Variants in LILRA6 observed in about 807,000 individuals in gnomAD.
LILRA6 encodes leukocyte immunoglobulin-like receptor subfamily A member 6.
LILRA6 carries 16 observed loss-of-function variants against 53.9 expected under a neutral mutation model. The observed-to-expected ratio is 0.30, with a 90% CI of 0.20 to 0.45. The LOEUF (loss-of-function observed/expected upper bound fraction) is 0.45. LILRA6 is among the 20% of genes least tolerant of loss of function. The probability of loss-of-function intolerance (pLI) is 1.00; values close to 1 mark genes in which losing one functional copy is unlikely to be tolerated. For missense variants in LILRA6, 306 were observed against 618.6 expected (o/e 0.49, Z 5.36); for synonymous variants, 135 against 256.4 (o/e 0.53, Z 4.52).
At chr19:54,237,970 A>G (rs1054026174), downstream of LILRA6, 2 of 146,406 alleles carry the variant, frequency 1.4e-5, no homozygotes, top group Non-Finnish European at 3.0e-5. Context: ...ATATGAACAC[A>G]TTTTCCTCTA....
At chr19:54,237,526 A>G (rs187021914), downstream of LILRA6, 1 of 151,142 alleles carries the variant, frequency 6.6e-6, no homozygotes, top group East Asian at 1.9e-4. Flanking sequence ...AATAACTCGA[A>G]GTGGATTGAG....
downstream of LILRA6, chr19:54,236,698 C>T (rs1025198675): frequency 6.6e-6 from 1 of 151,022 alleles, no homozygotes; most frequent in African/African-American, 2.5e-5. Flanking sequence ...GGTCTATATA[C>T]ACAATGAAAT....
rs2078686956 is a variant in LILRA6, at chr19:54,239,382, C to A, written c.1310-293G>T. 4 of 763,622 alleles carry A rather than the reference C, an allele frequency of 5.2e-6. No individual in the cohort carries two copies. In the East Asian group the frequency reaches 1.3e-4, roughly 24 times the overall value. The allele number at this position is 763,622 out of a possible 1,614,324, so 47.3% of individuals were successfully genotyped here. A position where few individuals can be genotyped will look rare whatever the true frequency, so the allele number is the denominator to read the frequency against. ...GAGTTCCTCAATAAACCCTCCCTCT[C>A]CTGCAGCAGGGCTCCCTCCAGTCTC... On this transcript the variant is annotated intron_variant, in intron 7 of 7. Transcript: ENST00000396365.
chr19:54,239,222 G>T (rs1469118671), intron 7 of LILRA6, 133 bp from the exon 8 acceptor site: 4 of 1,550,124 alleles, frequency 2.6e-6, no homozygotes, highest in East Asian at 2.3e-5. Flanking sequence ...CCCCATAACT[G>T]TCTGACTTGT....
In LILRA6 at chr19:54,240,433, G is replaced by A. The variant is rs556406505; in HGVS notation, c.1099C>T (p.Arg367Cys). The A allele has an allele frequency of 9.9e-5, 159 of 1,605,110 alleles. 1 individual carries two copies. The African/African-American group carries it at 1.7e-3, about 17-fold the overall frequency. ...TGAGCTCCGTACATTGATCTCAGACGCAGTGGGGGATGGGCTGCCCCTTCT... is the reference window on the plus strand; with the variant it reads ...TGAGCTCCGTACATTGATCTCAGACACAGTGGGGGATGGGCTGCCCCTTCT... The change falls in exon 6 of 8, where the codon CGT (arginine) becomes TGT (cysteine). Residue 367 changes from arginine to cysteine, a missense_variant. Physicochemically the swap from Arg to Cys is radical, Grantham distance 180 (BLOSUM62 -3). Coordinates refer to ENST00000396365, the Ensembl canonical transcript of LILRA6.
At chr19:54,236,905 G>A (rs1478346115), downstream of LILRA6, 1 of 151,076 alleles carries the variant, frequency 6.6e-6, no homozygotes, top group Non-Finnish European at 1.5e-5. Flanking sequence ...GAGTGTGGAG[G>A]ACAGGGATGG....
At chr19:54,238,982 T>C in exon 8 of LILRA6, 1 of 1,611,420 alleles carries the variant, frequency 6.2e-7, no homozygotes, top group Non-Finnish European at 8.5e-7. Flanking sequence ...TGGGGGTTTC[T>C]CTGGCTGTGC....
At chr19:54,239,618 C>CA (rs1414453466) in intron 7 of LILRA6, 1 of 1,074,190 alleles carries the variant, frequency 9.3e-7, no homozygotes, top group Non-Finnish European at 1.3e-6. Context: ...TCCAGGGAGT[C>CA]ACTGGCCTGA....
At chr19:54,241,153 G>C in intron 4 of LILRA6, 26 bp from the exon 5 acceptor site, 2 of 1,515,752 alleles carry the variant, frequency 1.3e-6, no homozygotes, top group Non-Finnish European at 1.8e-6. Flanking sequence ...AGCCAGGACT[G>C]AGAGGGCTGG....
chr19:54,241,864 G>C, exon 4 of LILRA6: 1 of 1,295,530 alleles, frequency 7.7e-7, no homozygotes. Context: ...GAGAGGGTGG[G>C]TTTGCTATAG....
exon 5 of LILRA6, chr19:54,240,874 G>T (rs201120762): frequency 1.5e-5 from 25 of 1,613,512 alleles, no homozygotes; most frequent in Non-Finnish European, 2.0e-5. Flanking sequence ...CCGACCACTC[G>T]GAGGAGAGGT....
intron 5 of LILRA6, 46 bp downstream of exon 5, chr19:54,240,785 C>T (rs763059022): frequency 3.2e-5 from 51 of 1,611,350 alleles, no homozygotes; most frequent in Non-Finnish European, 3.9e-5. Flanking sequence ...CCCGGCAGGG[C>T]CTGTGCAGAG....
chr19:54,239,006 A>G (rs375483704), exon 8 of LILRA6: 9 of 1,611,306 alleles, frequency 5.6e-6, no homozygotes, highest in South Asian at 1.1e-5. Context: ...GCCTCAAATA[A>G]CAGAATCCCG....
At chr19:54,239,735 T>C (rs2078697147) in intron 7 of LILRA6, 166 bp downstream of exon 7, 8 of 1,550,308 alleles carry the variant, frequency 5.2e-6, no homozygotes, top group Non-Finnish European at 7.0e-6. Flanking sequence ...TCCTCCTGGC[T>C]GGGCCCCAAC....
At position 54,239,967 on chromosome 19, in the gene LILRA6, G is replaced by A. The variant is rs1275740707; in HGVS notation, c.1259-16C>T. 43 of 1,546,020 alleles carry A rather than the reference G, an allele frequency of 2.8e-5. No individual in the cohort carries two copies. The highest frequency in any genetic ancestry group is 4.2e-5 in the African/African-American group (3 of 72,032). On this transcript the variant is annotated splice_polypyrimidine_tract_variant and intron_variant, in intron 6 of 7. Coordinates refer to ENST00000396365, the Ensembl canonical transcript of LILRA6. The stretch of plus-strand genomic sequence containing the variant: ...CCAGAGTGTCCTGGAAGGAGCACGG[G>A]AGGCGGGTGAGGGGCGGGGGCCGTC...
exon 8 of LILRA6, chr19:54,239,047 A>G: frequency 6.2e-7 from 1 of 1,611,482 alleles, no homozygotes; most frequent in South Asian, 1.1e-5. Flanking sequence ...TGCCATGCCC[A>G]TGCGGATGAG....
Position 54,239,260 on chromosome 19 carries a change from C to A in LILRA6, c.1310-171G>T. On this transcript the variant is annotated intron_variant, in intron 7 of 7. Coordinates refer to ENST00000396365, the Ensembl canonical transcript of LILRA6. Reference sequence around the variant, plus strand: ...TGTGATGGGGTGAGGGTCTCAGCTCCTCCTGAGAATCAAAACAGAAGGGGA... The same window carrying A: ...TGTGATGGGGTGAGGGTCTCAGCTCATCCTGAGAATCAAAACAGAAGGGGA... 13 of 1,513,282 alleles carry A rather than the reference C, an allele frequency of 8.6e-6. 1 individual carries two copies. Among genetic ancestry groups the A allele is most frequent in the Non-Finnish European group, 9.7e-6 (11 of 1,132,544 alleles). The allele number at this position is 1,513,282 out of a possible 1,614,324, so 93.7% of individuals were successfully genotyped here.
At chr19:54,240,917 T>C (rs1360023368) in exon 5 of LILRA6, 9 of 1,613,952 alleles carry the variant, frequency 5.6e-6, no homozygotes, top group Admixed American at 3.3e-5. Context: ...CTGGCCCCCG[T>C]GGGAGGGGCT....
At chr19:54,241,839 G>C (rs2078772354) in exon 4 of LILRA6, 2 of 1,303,408 alleles carry the variant, frequency 1.5e-6, no homozygotes, top group African/African-American at 2.9e-5. Flanking sequence ...GGCCACCACA[G>C]GGCTGGGCAG....
Sources: gnomAD v4.1 joint callset for allele counts on GRCh38, gnomAD v4.1.1 for gene constraint, MANE v1.5 for transcripts, NCBI Gene and HGNC (gene_info 2026-07-23, HGNC 2026-07-21) for gene names.